The following GRAMD1C variants were observed in gnomAD, a reference collection of about 807,000 sequenced individuals.
GRAMD1C encodes the protein protein Aster-C.
GRAMD1C carries 89 observed loss-of-function variants against 97.8 expected under a neutral mutation model. The ratio of observed to expected loss-of-function variants is 0.91; its 90% CI spans 0.77 to 1.09. The LOEUF is 1.09. GRAMD1C is among the 50% of genes least tolerant of loss of function. GRAMD1C has a pLI of 0.00. For synonymous variants in GRAMD1C, 256 were observed against 267.0 expected, an observed-to-expected ratio of 0.96 and a Z score of 0.40; for missense variants, 740 against 766.4, an observed-to-expected ratio of 0.97 and a Z score of 0.41.
At chr3:113,833,843 T>C (rs970793982), upstream of GRAMD1C, among the ~76,000 whole-genome samples, 1 of 152,228 alleles carries the variant, frequency 6.6e-6, no homozygotes, top group Non-Finnish European at 1.5e-5. Flanking sequence ...ACCTTTTTTG[T>C]TGCTTTTGTG....
chr3:113,911,788 C>G (rs1389711582), intron 9 of GRAMD1C, among the ~76,000 whole-genome samples: 1 of 138,084 alleles, frequency 7.2e-6, no homozygotes, highest in Admixed American at 7.8e-5. Context: ...AGTGCAGTAG[C>G]ACGATCTCGG....
chr3:113,849,223 A>T (rs76311681), intron 2 of GRAMD1C, among the ~76,000 whole-genome samples: 3 of 151,870 alleles, frequency 2.0e-5, no homozygotes, highest in Non-Finnish European at 4.4e-5. Flanking sequence ...CTTACCTGGG[A>T]TTTTTTAATA....
At chr3:113,874,076 C>T (rs1277165948) in intron 3 of GRAMD1C, among the ~76,000 whole-genome samples, 2 of 152,124 alleles carry the variant, frequency 1.3e-5, no homozygotes, top group Non-Finnish European at 1.5e-5. Flanking sequence ...AATTACTTTG[C>T]TCAATTTTTA....
intron 2 of GRAMD1C, among the ~76,000 whole-genome samples, chr3:113,857,893 G>A (rs1193614545): frequency 1.3e-5 from 2 of 152,050 alleles, no homozygotes; most frequent in Non-Finnish European, 2.9e-5. Context: ...TGGCTTAATT[G>A]TATTTGCTAA....
At chr3:113,851,898 T>G (rs1480593684) in intron 2 of GRAMD1C, among the ~76,000 whole-genome samples, 2 of 151,910 alleles carry the variant, frequency 1.3e-5, no homozygotes, top group Non-Finnish European at 2.9e-5. Context: ...AGGTGCAGTC[T>G]CACTCTGTCA....
intron 13 of GRAMD1C, among the ~76,000 whole-genome samples, chr3:113,934,793 G>A (rs975926866): frequency 1.3e-5 from 2 of 151,920 alleles, no homozygotes; most frequent in Non-Finnish European, 2.9e-5. Flanking sequence ...GCCTAGGCTG[G>A]AGTGCAGTGG....
At chr3:113,912,577 T>C (rs1355148230) in intron 9 of GRAMD1C, among the ~76,000 whole-genome samples, 1 of 151,808 alleles carries the variant, frequency 6.6e-6, no homozygotes, top group Non-Finnish European at 1.5e-5. Context: ...CTACAAAAAA[T>C]AGAAAATTAG....
intron 2 of GRAMD1C, chr3:113,850,118 A>G (rs1461961202): frequency 1.3e-5 from 5 of 380,468 alleles, no homozygotes; most frequent in Non-Finnish European, 2.6e-5. Flanking sequence ...TTAATATTAA[A>G]TATTCTTTTG....
intron 1 of GRAMD1C, among the ~76,000 whole-genome samples, chr3:113,828,701 T>C (rs1559768001): frequency 6.6e-6 from 1 of 152,176 alleles, no homozygotes; most frequent in Non-Finnish European, 1.5e-5. Flanking sequence ...TCCTTGCTCA[T>C]GTCGCTTTCT....
chr3:113,889,282 G>A (rs1935626752), intron 6 of GRAMD1C, among the ~76,000 whole-genome samples: 1 of 152,180 alleles, frequency 6.6e-6, no homozygotes, highest in Non-Finnish European at 1.5e-5. Context: ...CAACATGGAT[G>A]AGCCTTGAAA....
chr3:113,833,037 G>C (rs536976290), intron 1 of GRAMD1C, among the ~76,000 whole-genome samples: 1 of 151,858 alleles, frequency 6.6e-6, no homozygotes, highest in East Asian at 1.9e-4. Context: ...TTGTTTGCCT[G>C]AACTGTTATC....
chr3:113,929,955 G>T (rs1937351011), intron 10 of GRAMD1C, among the ~76,000 whole-genome samples: 1 of 152,122 alleles, frequency 6.6e-6, no homozygotes, highest in Non-Finnish European at 1.5e-5. Context: ...GGGGCATTAG[G>T]TGATACAATC....
chr3:113,932,810 A>G (rs1013260604), intron 11 of GRAMD1C, among the ~76,000 whole-genome samples: 1 of 151,988 alleles, frequency 6.6e-6, no homozygotes, highest in South Asian at 2.1e-4. Flanking sequence ...GGCTCAAATG[A>G]TCTTCCCACC....
chr3:113,847,903 G>A (rs1933685074), intron 2 of GRAMD1C, among the ~76,000 whole-genome samples: 1 of 152,234 alleles, frequency 6.6e-6, no homozygotes, highest in African/African-American at 2.4e-5. Flanking sequence ...GACCTGGTAT[G>A]TAAGCAAATA....
chr3:113,905,682 G>A (rs750293962), intron 8 of GRAMD1C, among the ~76,000 whole-genome samples: 1 of 151,840 alleles, frequency 6.6e-6, no homozygotes, highest in African/African-American at 2.4e-5. Flanking sequence ...CTGCATATGT[G>A]GTGGTGGTCT....
intron 14 of GRAMD1C, among the ~76,000 whole-genome samples, chr3:113,937,831 C>T (rs999989216): frequency 2.6e-5 from 4 of 152,020 alleles, no homozygotes; most frequent in Non-Finnish European, 5.9e-5. Context: ...ATGGAGAAAT[C>T]CCATCTCTAC....
At chr3:113,833,057 A>G (rs1709579631) in intron 1 of GRAMD1C, among the ~76,000 whole-genome samples, 1 of 151,680 alleles carries the variant, frequency 6.6e-6, no homozygotes, top group Non-Finnish European at 1.5e-5. Flanking sequence ...CCCTTGCCCC[A>G]AGTGATACTG....
At chr3:113,887,779 C>CAA (rs543890582) in intron 6 of GRAMD1C, among the ~76,000 whole-genome samples, 34 of 140,970 alleles carry the variant, frequency 2.4e-4, no homozygotes, top group African/African-American at 8.6e-4. Context: ...AAGAAGACTA[C>CAA]AATTGTAAAA....
At chr3:113,921,303 G>C (rs1228222159) in intron 10 of GRAMD1C, among the ~76,000 whole-genome samples, 2 of 152,148 alleles carry the variant, frequency 1.3e-5, no homozygotes, top group Non-Finnish European at 2.9e-5. Flanking sequence ...TCTTTATCCA[G>C]TCTACCATTG....
Sources: gnomAD v4.1 joint callset for allele counts (sites outside exome capture counted in the v4.1 genomes callset) on GRCh38, gnomAD v4.1.1 for gene constraint, MANE v1.5 for transcripts, NCBI Gene and HGNC (gene_info 2026-07-23, HGNC 2026-07-21) for gene names.